Variants in UBE2B observed in about 807,000 individuals in gnomAD.
The protein encoded by UBE2B is ubiquitin-conjugating enzyme E2 B.
Under a neutral mutation model 24.6 loss-of-function variants are expected in UBE2B, and 11 were observed. That is an observed-to-expected ratio of 0.45 (90% CI 0.28 to 0.74). The LOEUF (loss-of-function observed/expected upper bound fraction) is 0.74. UBE2B is among the 30% of genes least tolerant of loss of function. UBE2B has a pLI of 0.13. For missense variants in UBE2B, 78 were observed against 185.6 expected, an observed-to-expected ratio of 0.42 and a Z score of 3.37; for synonymous variants, 68 against 62.4, an observed-to-expected ratio of 1.09 and a Z score of -0.42.
At chr5:134,383,096 C>T (rs1758737793) in intron 4 of UBE2B, among the ~76,000 whole-genome samples, 2 of 151,956 alleles carry the variant, frequency 1.3e-5, no homozygotes, top group South Asian at 2.1e-4. Flanking sequence ...ACCCGGGAGG[C>T]GGAGGTTTCA....
rs542739777 is a variant in UBE2B, at chr5:134,391,355, G to A, written c.*1002G>A. On this transcript the variant is annotated 3_prime_UTR_variant, in exon 6 of 6. Transcript: ENST00000265339. ...ATGTTTTAATGCCAGGGCCTGCTGAGTTGCTTCTTCTTGTGGAGATTTTTT... is the reference window on the plus strand; with the variant it reads ...ATGTTTTAATGCCAGGGCCTGCTGAATTGCTTCTTCTTGTGGAGATTTTTT... 6.6e-6 allele frequency: 1 copy of A among 152,550 alleles called. No individual in the cohort carries two copies. The highest frequency in any genetic ancestry group is 2.1e-4 in the South Asian group (1 of 4,820). The allele number at this position is 152,550 out of a possible 1,614,324, so 9.4% of individuals were successfully genotyped here. A position where few individuals can be genotyped will look rare whatever the true frequency, so the allele number is the denominator to read the frequency against.
chr5:134,388,163 A>G lies in UBE2B; in HGVS notation c.242-162A>G, dbSNP rs928126979. 4 of 633,522 alleles carry G rather than the reference A, an allele frequency of 6.3e-6. No homozygotes were observed. In the South Asian group the frequency reaches 7.6e-5, roughly 12 times the overall value. The allele number at this position is 633,522 out of a possible 1,614,324, so 39.2% of individuals were successfully genotyped here. ...ACATTCAAACCATAGCAGGTGCAAA[A>G]TAAGAGACCTTAGTTTTAAGACAGG... On this transcript the variant is annotated intron_variant, in intron 4 of 5. Transcript: ENST00000265339.
chr5:134,381,067 C>T (rs574921393), intron 4 of UBE2B, among the ~76,000 whole-genome samples: 22 of 146,090 alleles, frequency 1.5e-4, no homozygotes, highest in East Asian at 1.0e-3. Flanking sequence ...CCCGGGTTCA[C>T]GCCATTCTCC....
chr5:134,376,364 T>TATATATATATATATAC (rs70976528), intron 2 of UBE2B, among the ~76,000 whole-genome samples: 45 of 79,468 alleles, frequency 5.7e-4, no homozygotes, highest in African/African-American at 1.7e-3. Flanking sequence ...TATATATATA[T>TATATATATATATATAC]ACACATATGT....
At chr5:134,385,440 A>G (rs2149693232) in intron 4 of UBE2B, among the ~76,000 whole-genome samples, 1 of 152,294 alleles carries the variant, frequency 6.6e-6, no homozygotes, top group Admixed American at 6.5e-5. Flanking sequence ...ACTCTCTGTT[A>G]TGGTTTGCTC....
In UBE2B at chr5:134,390,469, A is replaced by T. The variant is rs1165305543; in HGVS notation, c.*116A>T. 6.8e-6 allele frequency: 9 copies of T among 1,327,302 alleles called. No homozygotes were observed. The highest frequency in any genetic ancestry group is 2.1e-5 in the Admixed American group (1 of 46,690). The allele number at this position is 1,327,302 out of a possible 1,614,324, so 82.2% of individuals were successfully genotyped here. On this transcript the variant is annotated 3_prime_UTR_variant, in exon 6 of 6. Transcript: ENST00000265339. This position sits in a 1 kb window ranked among gnomAD's most constrained non-coding sequence, Gnocchi z 4.6. ...TTAAGGATTCTGCAGAAAAAAAAGAAAAAAGTCCTTCAGTTTAGAACCTAC... is the reference window on the plus strand; with the variant it reads ...TTAAGGATTCTGCAGAAAAAAAAGATAAAAGTCCTTCAGTTTAGAACCTAC...
rs748780254 is a variant in UBE2B at position 134,371,672 on chromosome 5, C to G, written c.44+33C>G. On this transcript the variant is annotated intron_variant, in intron 1 of 5. Coordinates refer to ENST00000265339, the MANE Select transcript of UBE2B (RefSeq NM_003337.4). ...CCTTCACCTTCGCCTAGATGACGGC[C>G]CCTCAAAGCTGCGGGGCTGCAGGGC... The G allele has an allele frequency of 4.3e-6, 7 of 1,613,134 alleles. No individual in the cohort carries two copies. The South Asian group carries it at 6.6e-5, about 15-fold the overall frequency.
intron 4 of UBE2B, among the ~76,000 whole-genome samples, chr5:134,386,648 AAAG>A (rs1758807335): frequency 6.6e-6 from 1 of 152,074 alleles, no homozygotes; most frequent in South Asian, 2.1e-4. Context: ...AAAAAAAGGA[AAAG>A]AAAATAAGAT....
chr5:134,375,273 CTATGTA>C (rs1251888396), intron 2 of UBE2B, among the ~76,000 whole-genome samples: 1 of 152,158 alleles, frequency 6.6e-6, no homozygotes, highest in Non-Finnish European at 1.5e-5. Flanking sequence ...ATTTTACCTA[CTATGTA>C]TATTGCGTAT....
intron 1 of UBE2B, among the ~76,000 whole-genome samples, chr5:134,373,573 G>GTGC (rs1221194828): frequency 3.3e-5 from 5 of 152,080 alleles, no homozygotes; most frequent in Non-Finnish European, 7.4e-5. Flanking sequence ...CCATGTTGGT[G>GTGC]TGCTGCACCC....
At chr5:134,384,453 A>G (rs559025037) in intron 4 of UBE2B, among the ~76,000 whole-genome samples, 8 of 151,740 alleles carry the variant, frequency 5.3e-5, no homozygotes, top group Non-Finnish European at 1.2e-4. Context: ...CTGTAGCTTT[A>G]TCTTGCTTAG....
intron 3 of UBE2B, 138 bp from the exon 4 acceptor site, chr5:134,380,581 G>T: frequency 1.6e-6 from 1 of 611,518 alleles, no homozygotes. Context: ...AGTATATTTA[G>T]GATGTTTTGT....
chr5:134,377,059 A>G (rs541557512), intron 3 of UBE2B, among the ~76,000 whole-genome samples: 21 of 152,302 alleles, frequency 1.4e-4, no homozygotes, highest in African/African-American at 4.6e-4. Context: ...TGTTGAGCTG[A>G]AATTTTTCAT....
chr5:134,378,004 C>A (rs1758637477), intron 3 of UBE2B, among the ~76,000 whole-genome samples: 1 of 152,062 alleles, frequency 6.6e-6, no homozygotes, highest in South Asian at 2.1e-4. Context: ...AGTTTGAGAC[C>A]AGCCTGGGGG....
At chr5:134,376,061 G>A (rs1045215127) in intron 2 of UBE2B, among the ~76,000 whole-genome samples, 9 of 150,790 alleles carry the variant, frequency 6.0e-5, no homozygotes, top group Non-Finnish European at 1.0e-4. Flanking sequence ...GGCCAGGTGC[G>A]GTGGCTCACG....
chr5:134,374,925 A>G lies in UBE2B; in HGVS notation c.125+462A>G, dbSNP rs72492403. 4.3e-4 allele frequency among the ~76,000 whole-genome samples: 65 copies of G among 152,256 alleles called. No individual in the cohort carries two copies. In the East Asian group the frequency reaches 0.011, roughly 25 times the overall value. On this transcript the variant is annotated intron_variant, in intron 2 of 5. Transcript: ENST00000265339. ...CCACTGCCCTCCAACATGGGCAGCC[A>G]GCAGAGCCAAGATCCTGTATCAAAA...
chr5:134,389,570 C>T (rs1316691271), intron 5 of UBE2B, among the ~76,000 whole-genome samples: 2 of 138,856 alleles, frequency 1.4e-5, no homozygotes, highest in African/African-American at 5.5e-5. Context: ...TTTTTTGAGA[C>T]GGAATTTCAC....
At chr5:134,382,077 G>T (rs1255087111) in intron 4 of UBE2B, among the ~76,000 whole-genome samples, 1 of 152,096 alleles carries the variant, frequency 6.6e-6, no homozygotes, top group Non-Finnish European at 1.5e-5. Flanking sequence ...TCTACTAAAA[G>T]AAATAGATAA....
At chr5:134,387,595 C>T (rs558335726) in intron 4 of UBE2B, among the ~76,000 whole-genome samples, 2 of 152,196 alleles carry the variant, frequency 1.3e-5, no homozygotes, top group Non-Finnish European at 2.9e-5. Context: ...AGCATGGCGC[C>T]AGCACCTAAG....
Sources: gnomAD v4.1 joint callset for allele counts (sites outside exome capture counted in the v4.1 genomes callset) on GRCh38, gnomAD v4.1.1 for gene constraint, Gnocchi (gnomAD v3.1) non-coding constraint, MANE v1.5 for transcripts, NCBI Gene and HGNC (gene_info 2026-07-23, HGNC 2026-07-21) for gene names.